Variants in DOCK3 observed in about 807,000 individuals in gnomAD.
DOCK3 encodes dedicator of cytokinesis protein 3.
In DOCK3, 60 loss-of-function variants were observed where a neutral mutation model predicts 265.6. The ratio of observed to expected loss-of-function variants is 0.23; its 90% confidence interval spans 0.18 to 0.28. The LOEUF (loss-of-function observed/expected upper bound fraction) is 0.28. Among genes scored for constraint, DOCK3 ranks in the 10% least tolerant of loss-of-function variants. The pLI is 1.00. For synonymous variants in DOCK3, 881 were observed against 938.0 expected, an observed-to-expected ratio of 0.94 and a Z score of 1.11; for missense variants, 1,981 against 2,594.3, an observed-to-expected ratio of 0.76 and a Z score of 5.14.
chr3:50,783,126 T>A (rs564100206), intron 2 of DOCK3, among the ~76,000 whole-genome samples: 1 of 152,174 alleles, frequency 6.6e-6, no homozygotes, highest in Non-Finnish European at 1.5e-5. Context: ...CGAATTGTGC[T>A]GCTATAAACA....
chr3:51,161,079 GA>G lies in DOCK3; in HGVS notation c.1037+391del, dbSNP rs1436786447. On this transcript the variant is annotated intron_variant, in intron 12 of 52. Transcript: ENST00000266037. ...CAACAGAGCGACACTCCGTTTCAAA[GA>G]AAAAAAAAAAAAACAAAAACACCTT... is the stretch of plus-strand genomic sequence containing the variant. Among the ~76,000 whole-genome samples, 35 of 53,012 alleles carry G rather than the reference GA, an allele frequency of 6.6e-4. No individual in the cohort carries two copies. The South Asian group carries it at 0.015, about 22-fold the overall frequency. The allele number at this position is 53,012 out of a possible 152,430, so 34.8% of individuals were successfully genotyped here.
intron 14 of DOCK3, 37 bp downstream of exon 14, chr3:51,214,284 G>A (rs1395605336): frequency 1.2e-6 from 2 of 1,609,846 alleles, no homozygotes; most frequent in African/African-American, 1.3e-5. Flanking sequence ...AGGAAGATGG[G>A]TTAGGATGGA....
At chr3:51,144,022 A>G (rs2085185398) in intron 9 of DOCK3, among the ~76,000 whole-genome samples, 1 of 152,212 alleles carries the variant, frequency 6.6e-6, no homozygotes, top group African/African-American at 2.4e-5. Flanking sequence ...CCTGTGATAC[A>G]TTCAAGTTAA....
At chr3:51,312,374 A>C in intron 29 of DOCK3, 102 bp from the exon 30 acceptor site, 1 of 1,097,696 alleles carries the variant, frequency 9.1e-7, no homozygotes, top group East Asian at 2.4e-5. Context: ...GAGGATCTTA[A>C]GATTGTAAAA....
At chr3:51,198,334 A>G (rs1560194926) in intron 12 of DOCK3, among the ~76,000 whole-genome samples, 1 of 152,192 alleles carries the variant, frequency 6.6e-6, no homozygotes, top group Non-Finnish European at 1.5e-5. Context: ...TCTGGGATTC[A>G]GGGACAATTC....
At chr3:51,351,284 C>T (rs533173607) in intron 40 of DOCK3, among the ~76,000 whole-genome samples, 8 of 152,212 alleles carry the variant, frequency 5.3e-5, no homozygotes, top group Non-Finnish European at 1.0e-4. Context: ...CCACAAGCCT[C>T]AGCAAGTAGC....
chr3:50,765,089 T>C (rs1456662398), intron 1 of DOCK3, among the ~76,000 whole-genome samples: 2 of 141,026 alleles, frequency 1.4e-5, no homozygotes, highest in Admixed American at 1.4e-4. Context: ...TTTTTTTTTT[T>C]TTTTTTTTTT....
At chr3:50,767,859 G>A (rs1183427682) in intron 1 of DOCK3, among the ~76,000 whole-genome samples, 1 of 151,996 alleles carries the variant, frequency 6.6e-6, no homozygotes, top group Non-Finnish European at 1.5e-5. Flanking sequence ...GTATTCCTAG[G>A]TATTTTATTC....
intron 5 of DOCK3, among the ~76,000 whole-genome samples, chr3:50,991,981 C>T (rs958557248): frequency 1.3e-5 from 2 of 152,138 alleles, no homozygotes; most frequent in Non-Finnish European, 2.9e-5. Flanking sequence ...ACAACATGCT[C>T]CTGAATAACT....
chr3:51,127,120 G>A (rs1464540659), intron 9 of DOCK3, among the ~76,000 whole-genome samples: 1 of 152,180 alleles, frequency 6.6e-6, no homozygotes, highest in Non-Finnish European at 1.5e-5. Flanking sequence ...GGAGAAAGAT[G>A]TAGGCTGGGT....
chr3:50,935,287 A>G, intron 5 of DOCK3, among the ~76,000 whole-genome samples: 1 of 152,224 alleles, frequency 6.6e-6, no homozygotes, highest in South Asian at 2.1e-4. Context: ...CAGCAGTGGA[A>G]TCCATAACCA....
intron 51 of DOCK3, among the ~76,000 whole-genome samples, chr3:51,377,764 G>C (rs539996572): frequency 6.6e-6 from 1 of 152,188 alleles, no homozygotes; most frequent in Non-Finnish European, 1.5e-5. Context: ...TTAAAGCCCT[G>C]TAAGCCTTCT....
intron 49 of DOCK3, among the ~76,000 whole-genome samples, chr3:51,372,221 TG>T (rs1406802223): frequency 6.6e-6 from 1 of 152,222 alleles, no homozygotes; most frequent in Non-Finnish European, 1.5e-5. Flanking sequence ...TCGTTGACAC[TG>T]GGGTTTACTA....
chr3:51,351,653 T>A (rs1383152679), intron 40 of DOCK3, among the ~76,000 whole-genome samples: 1 of 2,918 alleles, frequency 3.4e-4, no homozygotes, highest in Non-Finnish European at 7.0e-4. Flanking sequence ...TAGAGAGACT[T>A]TTTTTTTTTT....
At chr3:51,241,084 T>C (rs2078592310) in intron 21 of DOCK3, among the ~76,000 whole-genome samples, 1 of 152,230 alleles carries the variant, frequency 6.6e-6, no homozygotes, top group African/African-American at 2.4e-5. Flanking sequence ...TTGCGTATTT[T>C]GTGCTTCCTT....
chr3:50,901,451 C>G (rs1305484126), intron 4 of DOCK3, among the ~76,000 whole-genome samples: 44 of 147,306 alleles, frequency 3.0e-4, no homozygotes, highest in Non-Finnish European at 1.5e-5. Flanking sequence ...ACTTGGCTCT[C>G]TGGCTTCACC....
At chr3:51,012,415 G>C (rs2078988534) in intron 5 of DOCK3, among the ~76,000 whole-genome samples, 1 of 152,212 alleles carries the variant, frequency 6.6e-6, no homozygotes, top group Admixed American at 6.5e-5. Flanking sequence ...CTAGCAATGA[G>C]TGAGGCTCTG....
At chr3:50,909,728 GA>G (rs995842512) in intron 4 of DOCK3, among the ~76,000 whole-genome samples, 4 of 140,634 alleles carry the variant, frequency 2.8e-5, no homozygotes, top group Non-Finnish European at 6.0e-5. Context: ...GTATCTTACT[GA>G]GGTTCTCTGG....
chr3:50,879,792 C>G (rs1351976087), intron 3 of DOCK3, among the ~76,000 whole-genome samples: 1 of 152,180 alleles, frequency 6.6e-6, no homozygotes, highest in Non-Finnish European at 1.5e-5. Context: ...TAATAGACAT[C>G]TAGAGAACTC....
Sources: allele counts gnomAD v4.1 joint callset (sites outside exome capture counted in the v4.1 genomes callset), GRCh38; gene constraint gnomAD v4.1.1; transcripts MANE v1.5; gene names NCBI Gene and HGNC (gene_info 2026-07-23, HGNC 2026-07-21).